The following KIR2DL4 variants were observed in gnomAD, a reference collection of about 807,000 sequenced individuals.
KIR2DL4 encodes the protein killer cell immunoglobulin-like receptor 2DL4.
KIR2DL4 carries 41 observed loss-of-function variants against 31.0 expected under a neutral mutation model. The observed-to-expected ratio is 1.32, with a 90% CI of 1.03 to 1.72. The LOEUF (loss-of-function observed/expected upper bound fraction) is 1.72. Among genes scored for constraint, KIR2DL4 ranks in the 40% most tolerant of loss-of-function variants. KIR2DL4 has a pLI of 0.00. For missense variants in KIR2DL4, 438 were observed against 353.7 expected, an observed-to-expected ratio of 1.24 and a Z score of -1.91; for synonymous variants, 164 against 133.6, an observed-to-expected ratio of 1.23 and a Z score of -1.57.
At chr19:54,807,619 G>A (rs1242901807) in intron 4 of KIR2DL4, among the ~76,000 whole-genome samples, 1 of 149,088 alleles carries the variant, frequency 6.7e-6, no homozygotes, top group African/African-American at 2.5e-5. Flanking sequence ...TGTATTTTTA[G>A]TAGAGACGGG....
intron 1 of KIR2DL4, 69 bp from the exon 2 acceptor site, chr19:54,803,821 GC>G: frequency 1.3e-6 from 2 of 1,563,002 alleles, no homozygotes; most frequent in Non-Finnish European, 1.8e-6. Flanking sequence ...CCAGCGTGGC[GC>G]CCAGTGGCTC....
chr19:54,812,260 C>A (rs1202335213), intron 5 of KIR2DL4, among the ~76,000 whole-genome samples: 1 of 151,278 alleles, frequency 6.6e-6, no homozygotes, highest in African/African-American at 2.4e-5. Flanking sequence ...CAGAAACCTT[C>A]CTTTCAGGGT....
intron 5 of KIR2DL4, among the ~76,000 whole-genome samples, chr19:54,812,604 C>T (rs2060928315): frequency 6.7e-6 from 1 of 149,956 alleles, no homozygotes; most frequent in Non-Finnish European, 1.5e-5. Flanking sequence ...AGGACACTAC[C>T]ATCTATTTCT....
At chr19:54,809,283 A>C (rs1415347235) in intron 5 of KIR2DL4, among the ~76,000 whole-genome samples, 7 of 150,628 alleles carry the variant, frequency 4.6e-5, no homozygotes, top group African/African-American at 1.7e-4. Context: ...CCTGTCTGTC[A>C]TGATCCAACC....
intron 4 of KIR2DL4, 38 bp downstream of exon 4, chr19:54,806,282 C>T (rs1255542907): frequency 4.4e-6 from 7 of 1,586,550 alleles, no homozygotes; most frequent in African/African-American, 4.1e-5. Context: ...TCCTATGGTC[C>T]TAGAGCCTTA....
chr19:54,805,807 C>G lies in KIR2DL4; in HGVS notation c.362-144C>G, dbSNP rs548580350. On this transcript the variant is annotated intron_variant, in intron 3 of 7. Coordinates refer to ENST00000359085, the Ensembl canonical transcript of KIR2DL4. The stretch of plus-strand genomic sequence containing the variant: ...AGGCTGGAACCACATAGGGAGGGAT[C>G]GACAGGAAGAGTTGGGGGTGGAGGG... 3.4e-5 allele frequency: 27 copies of G among 803,196 alleles called. 1 individual carries two copies. The East Asian group carries it at 6.2e-4, about 18-fold the overall frequency. The allele number at this position is 803,196 out of a possible 1,614,324, so 49.8% of individuals were successfully genotyped here.
chr19:54,804,920 C>G lies in KIR2DL4; in HGVS notation c.204C>G (p.Val68=), dbSNP rs774526470. The stretch of plus-strand genomic sequence containing the variant: ...TCACGCTGTACAAGAAAGATGGGGT[C>G]CCTGTCCCTGAGCTCTACAACAGAA... Residue 68 remains valine (V), a synonymous_variant, in exon 3 of 8, where the codon GTC becomes GTG. Coordinates refer to ENST00000359085, the Ensembl canonical transcript of KIR2DL4. 1.9e-6 allele frequency: 3 copies of G among 1,611,988 alleles called. No homozygotes were observed. The highest frequency in any genetic ancestry group is 1.1e-5 in the South Asian group (1 of 90,610).
At chr19:54,803,781 G>C (rs1256809290) in intron 1 of KIR2DL4, 90 bp downstream of exon 1, 1 of 1,568,074 alleles carries the variant, frequency 6.4e-7, no homozygotes, top group African/African-American at 1.4e-5. Flanking sequence ...TCTGAAGCAA[G>C]TGAGTGGTGA....
At chr19:54,812,967 A>C (rs1180238653) in intron 5 of KIR2DL4, among the ~76,000 whole-genome samples, 8 of 142,592 alleles carry the variant, frequency 5.6e-5, no homozygotes, top group Non-Finnish European at 1.2e-4. Context: ...TATGAAAACT[A>C]TAACGGAGAA....
At chr19:54,807,689 C>T (rs2060609212) in intron 4 of KIR2DL4, among the ~76,000 whole-genome samples, 1 of 149,614 alleles carries the variant, frequency 6.7e-6, no homozygotes, top group Non-Finnish European at 1.5e-5. Flanking sequence ...CTGCCCACTT[C>T]AGCCTCCCAA....
At chr19:54,804,834 G>T in exon 3 of KIR2DL4, 1 of 1,612,316 alleles carries the variant, frequency 6.2e-7, no homozygotes, top group Non-Finnish European at 8.5e-7. Flanking sequence ...GCCCAGCGCT[G>T]TGGTGCCTCA....
At chr19:54,806,145 C>T in exon 4 of KIR2DL4, 2 of 1,612,084 alleles carry the variant, frequency 1.2e-6, no homozygotes, top group African/African-American at 1.3e-5. Context: ...CCCTCTGGGT[C>T]CTGCCACCCA....
In KIR2DL4 at chr19:54,813,691, T is replaced by C. The variant is rs200479581; in HGVS notation, c.812T>C (p.Met271Thr). ...TTTGATTGCTTCCGTCTCCTACAGA[T>C]GCTGCTGTAATGAACCAAGAGCCTG... Residue 271 changes from methionine (M) to threonine (T), a missense_variant and splice_region_variant, in exon 7 of 8, where the codon ATG (methionine) becomes ACG (threonine). By Grantham distance (81) the Met-to-Thr change is moderately conservative (BLOSUM62 -1). Coordinates refer to ENST00000359085, the Ensembl canonical transcript of KIR2DL4. 2.2e-5 allele frequency: 36 copies of C among 1,611,912 alleles called. 1 individual carries two copies. The highest frequency in any genetic ancestry group is 3.0e-5 in the Non-Finnish European group (35 of 1,179,544).
At chr19:54,809,101 G>T (rs991784896) in intron 5 of KIR2DL4, among the ~76,000 whole-genome samples, 1 of 151,166 alleles carries the variant, frequency 6.6e-6, no homozygotes, top group Non-Finnish European at 1.5e-5. Context: ...AGACCTCAGG[G>T]TAGAAGGATG....
exon 5 of KIR2DL4, chr19:54,808,861 C>T: frequency 6.2e-7 from 1 of 1,604,872 alleles, no homozygotes. Context: ...GGCCTTCACC[C>T]ACTGAACCAA....
Position 54,813,273 on chromosome 19 carries a change from G to A in KIR2DL4, c.810+45G>A, listed in dbSNP as rs775132202. 35 of 1,597,862 alleles carry A rather than the reference G, an allele frequency of 2.2e-5. 1 individual carries two copies. Among genetic ancestry groups the A allele is most frequent in the East Asian group, 1.4e-4 (6 of 44,118 alleles). On this transcript the variant is annotated intron_variant, in intron 6 of 7. Transcript: ENST00000359085. Reference sequence around the variant, plus strand: ...GGCCAGAGAACTCAGGGCCCTGTGCGGAAGCAGGATGGGAGCACGCAGGTG... The same window carrying A: ...GGCCAGAGAACTCAGGGCCCTGTGCAGAAGCAGGATGGGAGCACGCAGGTG...
chr19:54,807,105 C>T (rs1256331579), intron 4 of KIR2DL4, among the ~76,000 whole-genome samples: 7 of 151,020 alleles, frequency 4.6e-5, no homozygotes, highest in African/African-American at 1.2e-4. Flanking sequence ...TACTCTCTAC[C>T]TTCATGAGGT....
At position 54,803,697 on chromosome 19, in the gene KIR2DL4, T is replaced by A. The variant is rs1331614578; in HGVS notation, c.40+6T>A. On this transcript the variant is annotated splice_donor_region_variant and intron_variant, in intron 1 of 7. Coordinates refer to ENST00000359085, the Ensembl canonical transcript of KIR2DL4. Reference sequence around the variant, plus strand: ...CATCATCCTGGCATGTCTTGGTGAGTCCTGGAAGGGAAGGAGCACCAGGGT... The same window carrying A: ...CATCATCCTGGCATGTCTTGGTGAGACCTGGAAGGGAAGGAGCACCAGGGT... The A allele has an allele frequency of 3.1e-6, 5 of 1,611,332 alleles. 1 individual carries two copies. In the Admixed American group the frequency reaches 5.0e-5, roughly 16 times the overall value.
intron 3 of KIR2DL4, among the ~76,000 whole-genome samples, 162 bp from the exon 4 acceptor site, chr19:54,805,789 A>T (rs2060478382): frequency 6.6e-6 from 1 of 150,864 alleles, no homozygotes; most frequent in South Asian, 2.1e-4. Flanking sequence ...ACCAGGCTGG[A>T]ACCACATAGG....
Sources: gnomAD v4.1 joint callset for allele counts (sites outside exome capture counted in the v4.1 genomes callset) on GRCh38, gnomAD v4.1.1 for gene constraint, MANE v1.5 for transcripts, NCBI Gene and HGNC (gene_info 2026-07-23, HGNC 2026-07-21) for gene names.